Variants in HSPA12A observed in about 807,000 individuals in gnomAD.
HSPA12A encodes heat shock 70 kDa protein 12A.
A neutral mutation model predicts 69.2 loss-of-function variants in HSPA12A; 28 were observed. The ratio of observed to expected loss-of-function variants is 0.40; its 90% CI spans 0.30 to 0.55. The LOEUF is 0.55. Ranked by LOEUF, HSPA12A falls within the 20% of genes least tolerant of loss-of-function variation. The pLI is 0.38. For synonymous variants in HSPA12A, 345 were observed against 370.5 expected, an observed-to-expected ratio of 0.93 and a Z score of 0.79; for missense variants, 686 against 900.7, an observed-to-expected ratio of 0.76 and a Z score of 3.05.
intron 2 of HSPA12A, among the ~76,000 whole-genome samples, chr10:116,763,097 C>T (rs1363871407): frequency 6.6e-6 from 1 of 152,188 alleles, no homozygotes; most frequent in Non-Finnish European, 1.5e-5. Flanking sequence ...AGCACAGCTC[C>T]AGACACATGG....
At chr10:116,786,403 A>G (rs963294624) in intron 2 of HSPA12A, among the ~76,000 whole-genome samples, 1 of 151,858 alleles carries the variant, frequency 6.6e-6, no homozygotes, top group African/African-American at 2.4e-5. Context: ...CCCCTCAGGT[A>G]GAGGCACAGG....
intron 3 of HSPA12A, among the ~76,000 whole-genome samples, chr10:116,704,327 G>A (rs1469156679): frequency 2.0e-5 from 3 of 152,126 alleles, no homozygotes; most frequent in African/African-American, 7.2e-5. Flanking sequence ...GGATGAAACT[G>A]GAAACCATCA....
intron 3 of HSPA12A, among the ~76,000 whole-genome samples, chr10:116,702,924 G>A (rs574972918): frequency 3.4e-4 from 52 of 152,244 alleles, no homozygotes; most frequent in African/African-American, 1.3e-3. Flanking sequence ...CCCTCCCCAA[G>A]CAAGTTCAAA....
chr10:116,727,698 T>C (rs1336486507), intron 1 of HSPA12A, among the ~76,000 whole-genome samples: 1 of 150,984 alleles, frequency 6.6e-6, no homozygotes, highest in Non-Finnish European at 1.5e-5. Context: ...TACTTTATTA[T>C]AAAATAGGCT....
chr10:116,787,347 C>T (rs1455006381), intron 2 of HSPA12A, among the ~76,000 whole-genome samples: 1 of 150,488 alleles, frequency 6.6e-6, no homozygotes, highest in African/African-American at 2.4e-5. Context: ...AGGATATTTA[C>T]TGCCCACTGC....
chr10:116,753,613 A>C (rs565964904), intron 2 of HSPA12A, among the ~76,000 whole-genome samples: 1 of 152,136 alleles, frequency 6.6e-6, no homozygotes, highest in South Asian at 2.1e-4. Flanking sequence ...TAGTTACTGT[A>C]AGCCTTATTT....
intron 9 of HSPA12A, among the ~76,000 whole-genome samples, chr10:116,680,553 T>G (rs1295078220): frequency 6.6e-6 from 1 of 152,206 alleles, no homozygotes; most frequent in Non-Finnish European, 1.5e-5. Context: ...TGGCGCAATG[T>G]CTGCTCACTG....
At position 116,672,963 on chromosome 10, in the gene HSPA12A, G is replaced by GA. The variant is rs1849127358; in HGVS notation, c.*1817dup. 6.6e-6 allele frequency: 1 copy of GA among 152,600 alleles called. No individual in the cohort carries two copies. The highest frequency in any genetic ancestry group is 6.5e-5 in the Admixed American group (1 of 15,280). 9.5% of individuals were successfully genotyped at this position (152,600 alleles called of 1,614,324 possible). ...TAGGGAATTCTGCAGCAGGCGATGC[G>GA]AAAAAGAAGACATGGTCAAATGAAA... On this transcript the variant is annotated 3_prime_UTR_variant, in exon 12 of 12. Coordinates refer to ENST00000369209, the MANE Select transcript of HSPA12A (RefSeq NM_025015.3).
chr10:116,695,865 T>C (rs1849880831), intron 5 of HSPA12A, among the ~76,000 whole-genome samples: 2 of 150,382 alleles, frequency 1.3e-5, no homozygotes, highest in South Asian at 4.2e-4. Flanking sequence ...TAGCTGGGCA[T>C]GGTGGCACAC....
intron 2 of HSPA12A, among the ~76,000 whole-genome samples, chr10:116,754,263 C>G (rs1332225410): frequency 1.3e-5 from 2 of 152,164 alleles, no homozygotes; most frequent in African/African-American, 2.4e-5. Flanking sequence ...TGACCCATCC[C>G]CCCTCAGCTC....
intron 2 of HSPA12A, among the ~76,000 whole-genome samples, chr10:116,805,207 T>A (rs986540422): frequency 1.3e-5 from 2 of 151,988 alleles, no homozygotes; most frequent in Non-Finnish European, 2.9e-5. Context: ...TCCCAGCTAC[T>A]TGGGAGGCTG....
At chr10:116,728,725 A>C (rs118112510) in intron 1 of HSPA12A, among the ~76,000 whole-genome samples, 1 of 152,334 alleles carries the variant, frequency 6.6e-6, no homozygotes, top group East Asian at 1.9e-4. Flanking sequence ...GCCACTGCTT[A>C]TCTAAGGGTT....
intron 1 of HSPA12A, among the ~76,000 whole-genome samples, chr10:116,729,535 A>G (rs1425500028): frequency 6.6e-6 from 1 of 152,148 alleles, no homozygotes; most frequent in African/African-American, 2.4e-5. Context: ...TTAACTACAA[A>G]TAGCCTACTG....
At chr10:116,714,236 C>T (rs554829135) in intron 1 of HSPA12A, among the ~76,000 whole-genome samples, 46 of 152,090 alleles carry the variant, frequency 3.0e-4, no homozygotes, top group African/African-American at 1.0e-3. Flanking sequence ...GAGTTCTTTC[C>T]CAACTGAGGC....
chr10:116,711,083 T>C (rs540288165), intron 1 of HSPA12A, among the ~76,000 whole-genome samples: 40 of 152,352 alleles, frequency 2.6e-4, no homozygotes, highest in African/African-American at 7.2e-4. Context: ...CAGGAGAGAA[T>C]TGATGTATGG....
At chr10:116,729,512 AC>A (rs1400616243) in intron 1 of HSPA12A, among the ~76,000 whole-genome samples, 1 of 151,670 alleles carries the variant, frequency 6.6e-6, no homozygotes, top group East Asian at 1.9e-4. Flanking sequence ...ATAACTTTTG[AC>A]CCCCCCAAAA....
At position 116,806,566 on chromosome 10, in the gene HSPA12A, C is replaced by T. The variant is rs1259406347; in HGVS notation, c.91+28369G>A. Among the ~76,000 whole-genome samples the T allele has an allele frequency of 1.7e-4, 3 of 17,560 alleles. No homozygotes were observed. In the East Asian group the frequency reaches 0.031, roughly 179 times the overall value. 11.5% of individuals were successfully genotyped at this position (17,560 alleles called of 152,430 possible). A position where few individuals can be genotyped will look rare whatever the true frequency, so the allele number is the denominator to read the frequency against. On this transcript the variant is annotated intron_variant, in intron 2 of 12. Transcript: ENST00000635765. ...TGTGAAACAGAGCTCTCAGAAGACA[C>T]AGTGTTTGCCACAGGCCATGATATG... is the stretch of plus-strand genomic sequence containing the variant.
intron 2 of HSPA12A, among the ~76,000 whole-genome samples, chr10:116,771,345 G>A (rs577655650): frequency 6.8e-6 from 1 of 146,520 alleles, no homozygotes; most frequent in African/African-American, 2.8e-5. Flanking sequence ...GGGAGGACAG[G>A]GGCCCTGACG....
chr10:116,766,064 A>C (rs1844071102), intron 2 of HSPA12A, among the ~76,000 whole-genome samples: 1 of 152,118 alleles, frequency 6.6e-6, no homozygotes. Flanking sequence ...CCATTCGGCC[A>C]CATTCACCTT....
Sources: gnomAD v4.1 joint callset for allele counts (sites outside exome capture counted in the v4.1 genomes callset) on GRCh38, gnomAD v4.1.1 for gene constraint, MANE v1.5 for transcripts, NCBI Gene and HGNC (gene_info 2026-07-23, HGNC 2026-07-21) for gene names.